The following CC2D2B variants were observed in gnomAD, a reference collection of about 807,000 sequenced individuals.
The protein encoded by CC2D2B is coiled-coil and C2 domain containing 2B, also known as protein CC2D2B.
In CC2D2B, 128 loss-of-function variants were observed where a neutral mutation model predicts 161.2. The observed-to-expected ratio is 0.79, with a 90% CI of 0.69 to 0.92. The LOEUF (loss-of-function observed/expected upper bound fraction) is 0.92. Ranked by LOEUF, CC2D2B falls within the 40% of genes least tolerant of loss-of-function variation. CC2D2B has a pLI of 0.00. For synonymous variants in CC2D2B, 391 were observed against 449.8 expected, an observed-to-expected ratio of 0.87 and a Z score of 1.65; for missense variants, 1,173 against 1,375.1, an observed-to-expected ratio of 0.85 and a Z score of 2.32.
At chr10:95,917,114 G>T (rs1021480283) in intron 2 of CC2D2B, among the ~76,000 whole-genome samples, 3 of 152,098 alleles carry the variant, frequency 2.0e-5, no homozygotes, top group African/African-American at 7.2e-5. Context: ...ACATCCTCTT[G>T]ATGAATTGAT....
intron 25 of CC2D2B, among the ~76,000 whole-genome samples, chr10:96,005,942 T>C (rs867679648): frequency 1.2e-4 from 18 of 152,266 alleles, no homozygotes; most frequent in African/African-American, 4.1e-4. Flanking sequence ...TTCAGCATAG[T>C]CTCATAATTT....
intron 17 of CC2D2B, among the ~76,000 whole-genome samples, chr10:95,981,161 A>AG (rs2077506046): frequency 6.6e-6 from 1 of 152,236 alleles, no homozygotes; most frequent in East Asian, 1.9e-4. Context: ...TGGGAGGCCA[A>AG]GGGGGGCGGA....
chr10:95,992,441 G>T, intron 21 of CC2D2B, 86 bp from the exon 22 acceptor site: 1 of 992,044 alleles, frequency 1.0e-6, no homozygotes, highest in South Asian at 5.3e-5. Flanking sequence ...TTAGAATAAT[G>T]GTCTCATTTC....
chr10:95,961,517 ACT>A, intron 11 of CC2D2B: 1 of 162,574 alleles, frequency 6.2e-6, no homozygotes, highest in Non-Finnish European at 1.3e-5. Context: ...ACAGAGCGAG[ACT>A]CTCTCAAAAA....
chr10:96,019,098 C>A (rs892688496), intron 30 of CC2D2B, 105 bp from the exon 31 acceptor site: 19 of 946,386 alleles, frequency 2.0e-5, no homozygotes, highest in Admixed American at 3.0e-5. Context: ...TAAGCCACCA[C>A]ACTCCACTAA....
intron 6 of CC2D2B, among the ~76,000 whole-genome samples, chr10:95,937,123 G>T (rs10786250): frequency 0.6 from 90,647 of 152,090 alleles, 27,640 homozygotes; most frequent in African/African-American, 0.67. Flanking sequence ...TGAACCTAGT[G>T]GATGTTTAAT....
intron 33 of CC2D2B, 125 bp from the exon 34 acceptor site, chr10:96,027,087 C>A: frequency 1.6e-6 from 1 of 623,606 alleles, no homozygotes; most frequent in Non-Finnish European, 2.6e-6. Context: ...CTCACCATTG[C>A]ACTCCAGCCT....
intron 17 of CC2D2B, among the ~76,000 whole-genome samples, chr10:95,976,761 T>C (rs2077329050): frequency 6.6e-6 from 1 of 152,226 alleles, no homozygotes; most frequent in Admixed American, 6.5e-5. Flanking sequence ...TGCTTTTTTT[T>C]GTTTAAGACA....
chr10:95,908,837 A>G (rs2098500955), intron 1 of CC2D2B, among the ~76,000 whole-genome samples: 1 of 142,530 alleles, frequency 7.0e-6, no homozygotes, highest in South Asian at 2.2e-4. Context: ...GAATTAATAC[A>G]TTTTTATAAA....
intron 31 of CC2D2B, 74 bp downstream of exon 31, chr10:96,019,411 G>A (rs914092662): frequency 1.4e-6 from 2 of 1,396,338 alleles, no homozygotes; most frequent in South Asian, 1.4e-5. Flanking sequence ...GAATCACCTG[G>A]GGAACTTTAA....
At chr10:96,000,337 A>AAAT (rs986171163) in intron 24 of CC2D2B, 55 of 279,660 alleles carry the variant, frequency 2.0e-4, no homozygotes, top group Middle Eastern at 1.9e-3. Context: ...TATTTATAAT[A>AAAT]AATAAATAAA....
Position 96,027,344 on chromosome 10 carries a change from A to G in CC2D2B, c.4080A>G (p.Ser1360=). 1 of 1,550,388 alleles carries G rather than the reference A, an allele frequency of 6.4e-7. No individual in the cohort carries two copies. The highest frequency in any genetic ancestry group is 8.7e-7 in the Non-Finnish European group (1 of 1,146,526). ...AATTTGGCATAGGAAGCTTTGTTTC[A>G]TCTGAAGGAGATAATGAATTTGAAA... The part of the protein sequence containing the change: ...KLEFGIGSFV[S]SEGDNEFERI... The change falls in exon 34 of 35, where the codon TCA becomes TCG. Residue 1360 remains serine, a synonymous_variant. Transcript: ENST00000646931.
At chr10:96,016,362 G>T in intron 30 of CC2D2B, 48 bp downstream of exon 30, 3 of 1,259,628 alleles carry the variant, frequency 2.4e-6, no homozygotes, top group Non-Finnish European at 2.3e-6. Context: ...AAGGAAATCA[G>T]ATTTCAGCTG....
intron 6 of CC2D2B, among the ~76,000 whole-genome samples, chr10:95,928,409 C>T (rs138078694): frequency 2.0e-5 from 3 of 151,852 alleles, no homozygotes; most frequent in Non-Finnish European, 2.9e-5. Flanking sequence ...TGCACACACA[C>T]GTTTTTATTA....
At chr10:95,988,552 C>T (rs1335389981) in intron 20 of CC2D2B, among the ~76,000 whole-genome samples, 1 of 152,122 alleles carries the variant, frequency 6.6e-6, no homozygotes, top group African/African-American at 2.4e-5. Context: ...TATTAAAGCA[C>T]ATCCCAACCT....
At chr10:95,976,981 C>T (rs1425819969) in intron 17 of CC2D2B, among the ~76,000 whole-genome samples, 1 of 152,200 alleles carries the variant, frequency 6.6e-6, no homozygotes, top group African/African-American at 2.4e-5. Flanking sequence ...AACTGCTGAA[C>T]TCAGGTGATC....
At chr10:95,928,731 A>T (rs1364620972) in intron 6 of CC2D2B, among the ~76,000 whole-genome samples, 2 of 116,694 alleles carry the variant, frequency 1.7e-5, no homozygotes, top group African/African-American at 6.9e-5. Context: ...TGCAAAGGAC[A>T]TGAACTCATC....
intron 9 of CC2D2B, among the ~76,000 whole-genome samples, chr10:95,948,143 TG>T (rs1402840184): frequency 1.3e-5 from 2 of 151,802 alleles, no homozygotes; most frequent in African/African-American, 4.8e-5. Flanking sequence ...TTCACAGAAT[TG>T]GAAAAAACTA....
intron 2 of CC2D2B, chr10:95,920,084 G>A (rs2098523934): frequency 6.6e-6 from 1 of 152,062 alleles, no homozygotes; most frequent in Non-Finnish European, 1.5e-5. Flanking sequence ...GGCCCAGGAT[G>A]GGTCTAGAAA....
Sources: allele counts gnomAD v4.1 joint callset (sites outside exome capture counted in the v4.1 genomes callset), GRCh38; gene constraint gnomAD v4.1.1; transcripts MANE v1.5; gene names NCBI Gene and HGNC (gene_info 2026-07-23, HGNC 2026-07-21).